The following IL19 variants were observed in gnomAD, a reference collection of about 807,000 sequenced individuals.
IL19 encodes interleukin-19.
In IL19, 15 loss-of-function variants were observed where a neutral mutation model predicts 19.5. The ratio of observed to expected loss-of-function variants is 0.77; its 90% CI spans 0.52 to 1.19. The LOEUF (loss-of-function observed/expected upper bound fraction) is 1.19, where lower values mean the gene tolerates loss of function less well. Ranked by LOEUF, IL19 falls within the 50% of genes most tolerant of loss-of-function variation. IL19 has a pLI of 0.00. For synonymous variants in IL19, 78 were observed against 78.3 expected (o/e 1.00, Z 0.02); for missense variants, 199 against 213.1 (o/e 0.93, Z 0.41).
intron 1 of IL19, among the ~76,000 whole-genome samples, chr1:206,786,436 C>T (rs985527973): frequency 3.3e-5 from 5 of 151,982 alleles, no homozygotes; most frequent in Admixed American, 1.3e-4. Flanking sequence ...GTTAGTGTCC[C>T]CACAGTCCTT....
In IL19 at chr1:206,772,424, T is replaced by C. The variant is rs766025752; in HGVS notation, c.-149+1346T>C. 2.0e-5 allele frequency: 33 copies of C among 1,614,010 alleles called. No individual in the cohort carries two copies. The highest frequency in any genetic ancestry group is 2.7e-5 in the Non-Finnish European group (32 of 1,180,026). ...GGAGGACCAGGCAACAGAGCAGTGCTGAGCTGTGCATGCCTTCTTTTGCAA... is the reference window on the plus strand; with the variant it reads ...GGAGGACCAGGCAACAGAGCAGTGCCGAGCTGTGCATGCCTTCTTTTGCAA... On this transcript the variant is annotated intron_variant, in intron 1 of 6. Transcript: ENST00000659997.
At chr1:206,814,192 T>C (rs911587199) in intron 2 of IL19, among the ~76,000 whole-genome samples, 6 of 151,952 alleles carry the variant, frequency 3.9e-5, no homozygotes, top group Non-Finnish European at 5.9e-5. Flanking sequence ...AATGCACAAT[T>C]GGAAGTTTTC....
chr1:206,808,614 A>T (rs1221594228), intron 2 of IL19, among the ~76,000 whole-genome samples: 1 of 151,956 alleles, frequency 6.6e-6, no homozygotes, highest in African/African-American at 2.4e-5. Flanking sequence ...GTGAGGTGGG[A>T]GGGTGAGGAG....
intron 2 of IL19, among the ~76,000 whole-genome samples, chr1:206,836,386 A>G (rs771151788): frequency 2.1e-4 from 30 of 143,718 alleles, no homozygotes; most frequent in Admixed American, 3.5e-4. Flanking sequence ...GCATACAAGT[A>G]TGCTTCCTGG....
At chr1:206,778,682 C>T (rs1675063661) in intron 1 of IL19, among the ~76,000 whole-genome samples, 4 of 152,142 alleles carry the variant, frequency 2.6e-5, no homozygotes, top group South Asian at 2.1e-4. Context: ...ACTGTCTTCC[C>T]CTGCCAATTT....
At chr1:206,791,448 G>A (rs74384669) in intron 1 of IL19, among the ~76,000 whole-genome samples, 286 of 152,138 alleles carry the variant, frequency 1.9e-3, no homozygotes, top group African/African-American at 6.5e-3. Flanking sequence ...GATCACAGGC[G>A]CCGGCCATCA....
Position 206,770,882 on chromosome 1 carries a change from G to A in IL19, c.-345G>A, listed in dbSNP as rs1674809240. On this transcript the variant is annotated 5_prime_UTR_variant, in exon 1 of 7. Coordinates refer to ENST00000659997, the MANE Select transcript of IL19 (RefSeq NM_153758.5). ...GATGGTATTTTGGGGGCAGCTGCAA[G>A]GGAAAAAACTGATCTGCTACTTACA... The A allele has an allele frequency of 6.2e-7, 1 of 1,612,608 alleles. No individual in the cohort carries two copies. Among genetic ancestry groups the A allele is most frequent in the Non-Finnish European group, 8.5e-7 (1 of 1,178,762 alleles).
In IL19 at chr1:206,788,451, A is replaced by C. The variant is rs1342070226; in HGVS notation, c.-148-10410A>C. 4.6e-5 allele frequency among the ~76,000 whole-genome samples: 7 copies of C among 152,246 alleles called. 1 individual carries two copies. In the East Asian group the frequency reaches 1.3e-3, roughly 29 times the overall value. ...TTTATAGTAGCGCAAAATAAGGCTCAAGTCTCCTGATAATCAGTTCATTCC... is the reference window on the plus strand; with the variant it reads ...TTTATAGTAGCGCAAAATAAGGCTCCAGTCTCCTGATAATCAGTTCATTCC... On this transcript the variant is annotated intron_variant, in intron 1 of 6. Coordinates refer to ENST00000659997, the MANE Select transcript of IL19 (RefSeq NM_153758.5).
intron 2 of IL19, among the ~76,000 whole-genome samples, chr1:206,820,372 G>C (rs1467565377): frequency 6.6e-6 from 1 of 152,148 alleles, no homozygotes; most frequent in African/African-American, 2.4e-5. Flanking sequence ...GATTCTGAGG[G>C]ATATGTTCTA....
intron 2 of IL19, among the ~76,000 whole-genome samples, chr1:206,835,466 G>A (rs1341320553): frequency 6.6e-6 from 1 of 152,234 alleles, no homozygotes. Context: ...AACAGGATTT[G>A]CTGTTTCTGG....
chr1:206,816,679 A>G (rs1676165565), intron 2 of IL19, among the ~76,000 whole-genome samples: 1 of 152,244 alleles, frequency 6.6e-6, no homozygotes, highest in Middle Eastern at 3.2e-3. Flanking sequence ...CCCCAAACCT[A>G]GCCATATCAA....
intron 1 of IL19, among the ~76,000 whole-genome samples, chr1:206,773,905 G>T (rs1482368880): frequency 6.6e-6 from 1 of 152,172 alleles, no homozygotes; most frequent in Admixed American, 6.5e-5. Context: ...CCCTGTGTCT[G>T]TTTTTCATCT....
At chr1:206,815,438 A>G (rs1676130553) in intron 2 of IL19, among the ~76,000 whole-genome samples, 1 of 152,238 alleles carries the variant, frequency 6.6e-6, no homozygotes. Flanking sequence ...TTTACTCTTG[A>G]GAATTCCTAA....
At chr1:206,799,466 G>C (rs1328054581) in intron 2 of IL19, among the ~76,000 whole-genome samples, 1 of 152,190 alleles carries the variant, frequency 6.6e-6, no homozygotes, top group African/African-American at 2.4e-5. Flanking sequence ...GGAACCAGGA[G>C]CAGAAGTCAT....
intron 2 of IL19, among the ~76,000 whole-genome samples, chr1:206,818,337 T>C (rs747647757): frequency 1.4e-4 from 22 of 152,240 alleles, no homozygotes; most frequent in African/African-American, 4.3e-4. Flanking sequence ...GGCATAGCCA[T>C]ATAATGGCTA....
intron 2 of IL19, among the ~76,000 whole-genome samples, chr1:206,819,975 C>T (rs926311355): frequency 3.3e-5 from 5 of 152,192 alleles, no homozygotes; most frequent in Non-Finnish European, 7.3e-5. Context: ...GGTCTCATAT[C>T]TCCTGTGACT....
intron 6 of IL19, among the ~76,000 whole-genome samples, chr1:206,842,059 A>G (rs1677034715): frequency 6.6e-6 from 1 of 152,176 alleles, no homozygotes; most frequent in Non-Finnish European, 1.5e-5. Context: ...TGGCTGTGTG[A>G]CATTGGGTAG....
chr1:206,771,790 A>G (rs888523898), intron 1 of IL19, among the ~76,000 whole-genome samples: 3 of 152,162 alleles, frequency 2.0e-5, no homozygotes, highest in South Asian at 2.1e-4. Flanking sequence ...CACTGTAGAC[A>G]TCCAGTTTAG....
chr1:206,797,373 G>A (rs910963628), intron 1 of IL19, among the ~76,000 whole-genome samples: 7 of 152,056 alleles, frequency 4.6e-5, no homozygotes, highest in East Asian at 3.9e-4. Context: ...ACACATGGAC[G>A]TCAGAGGCAC....
Sources: gnomAD v4.1 joint callset for allele counts (sites outside exome capture counted in the v4.1 genomes callset) on GRCh38, gnomAD v4.1.1 for gene constraint, MANE v1.5 for transcripts, NCBI Gene and HGNC (gene_info 2026-07-23, HGNC 2026-07-21) for gene names.